SGCZ: variants seen among roughly 807,000 people sequenced by gnomAD.
SGCZ encodes sarcoglycan zeta.
A neutral mutation model predicts 41.3 loss-of-function variants in SGCZ; 40 were observed. The observed-to-expected ratio is 0.97, with a 90% CI of 0.75 to 1.26. The LOEUF is 1.26. Among genes scored for constraint, SGCZ ranks in the 50% most tolerant of loss-of-function variants. The probability of loss-of-function intolerance (pLI) is 0.00; values close to 1 mark genes in which losing one functional copy is unlikely to be tolerated. For synonymous variants in SGCZ, 206 were observed against 137.5 expected (o/e 1.50, Z -3.49); for missense variants, 552 against 369.8 (o/e 1.49, Z -4.04).
At chr8:14,416,899 T>G (rs1799507720) in intron 2 of SGCZ, among the ~76,000 whole-genome samples, 1 of 151,852 alleles carries the variant, frequency 6.6e-6, no homozygotes, top group Non-Finnish European at 1.5e-5. Context: ...ATGCATGGAT[T>G]ATTATTATGA....
At chr8:14,162,501 C>G (rs1198487236) in intron 5 of SGCZ, 1 of 152,192 alleles carries the variant, frequency 6.6e-6, no homozygotes, top group Non-Finnish European at 1.5e-5. Flanking sequence ...GGCCCTACAA[C>G]TAATGTCCTT....
At chr8:14,402,153 A>C (rs189717047) in intron 2 of SGCZ, among the ~76,000 whole-genome samples, 28 of 152,190 alleles carry the variant, frequency 1.8e-4, no homozygotes, top group African/African-American at 6.5e-4. Context: ...TCTTCTTGTA[A>C]ATTTGACTGA....
intron 2 of SGCZ, among the ~76,000 whole-genome samples, chr8:14,335,044 G>T (rs1802462633): frequency 6.6e-6 from 1 of 152,206 alleles, no homozygotes; most frequent in East Asian, 1.9e-4. Context: ...AGGACAGAAA[G>T]CACATGAAGA....
intron 2 of SGCZ, among the ~76,000 whole-genome samples, chr8:14,520,865 G>A (rs551927055): frequency 3.6e-4 from 54 of 151,992 alleles, no homozygotes; most frequent in Non-Finnish European, 7.2e-4. Flanking sequence ...ACATTTTTAG[G>A]ATGTACTTAA....
At chr8:14,550,205 T>G (rs2117175016) in intron 2 of SGCZ, among the ~76,000 whole-genome samples, 1 of 152,062 alleles carries the variant, frequency 6.6e-6, no homozygotes, top group African/African-American at 2.4e-5. Flanking sequence ...CAGTGAAATG[T>G]ATAGCAGTAA....
intron 1 of SGCZ, among the ~76,000 whole-genome samples, chr8:15,132,693 A>T (rs958149738): frequency 6.6e-6 from 1 of 152,202 alleles, no homozygotes; most frequent in African/African-American, 2.4e-5. Context: ...GGAATTTTGA[A>T]AGCCAGTTGC....
chr8:14,833,246 G>A (rs1017650614), intron 1 of SGCZ, among the ~76,000 whole-genome samples: 1 of 152,092 alleles, frequency 6.6e-6, no homozygotes, highest in African/African-American at 2.4e-5. Flanking sequence ...CACAGAGTAG[G>A]TTTAGGCAGA....
chr8:14,634,049 A>C (rs948551534), intron 1 of SGCZ, among the ~76,000 whole-genome samples: 1 of 151,906 alleles, frequency 6.6e-6, no homozygotes, highest in African/African-American at 2.4e-5. Context: ...GACAGAATTT[A>C]AGTCAAGATA....
At chr8:15,030,563 A>G (rs1340870803) in intron 1 of SGCZ, among the ~76,000 whole-genome samples, 1 of 151,658 alleles carries the variant, frequency 6.6e-6, no homozygotes, top group Non-Finnish European at 1.5e-5. Flanking sequence ...GTAAATGCAG[A>G]AAAAAAATGT....
chr8:15,057,348 C>A (rs1205155841), intron 1 of SGCZ, among the ~76,000 whole-genome samples: 1 of 152,096 alleles, frequency 6.6e-6, no homozygotes, highest in Non-Finnish European at 1.5e-5. Context: ...TATTAGACAC[C>A]ATGACCTTAA....
At chr8:14,847,744 A>G (rs1469458358) in intron 1 of SGCZ, among the ~76,000 whole-genome samples, 5 of 117,140 alleles carry the variant, frequency 4.3e-5, no homozygotes, top group Non-Finnish European at 3.4e-5. Context: ...GGCGGGAGAG[A>G]GGGAAGGAGG....
At chr8:14,595,356 C>T (rs906836574) in intron 1 of SGCZ, among the ~76,000 whole-genome samples, 1 of 151,106 alleles carries the variant, frequency 6.6e-6, no homozygotes, top group Non-Finnish European at 1.5e-5. Context: ...GTATCTGTGT[C>T]TTTGTGTTTG....
chr8:14,378,517 C>T (rs1321011857), intron 2 of SGCZ, among the ~76,000 whole-genome samples: 3 of 152,058 alleles, frequency 2.0e-5, no homozygotes, highest in African/African-American at 4.8e-5. Flanking sequence ...GGAAAATTTT[C>T]ACAACCTACT....
Position 14,946,005 on chromosome 8 carries a change from CATATATATATATATAT to C in SGCZ, c.39+291564_39+291579del, listed in dbSNP as rs34647526. 5.3e-3 allele frequency among the ~76,000 whole-genome samples: 79 copies of C among 14,890 alleles called. 2 individuals carry two copies. The highest frequency in any genetic ancestry group is 0.021 in the Admixed American group (16 of 758). The allele number at this position is 14,890 out of a possible 152,430, so 9.8% of individuals were successfully genotyped here. A position where few individuals can be genotyped will look rare whatever the true frequency, so the allele number is the denominator to read the frequency against. On this transcript the variant is annotated intron_variant, in intron 1 of 7. Transcript: ENST00000382080. ...AGCCAATTCCCCTACTAAATGTCCCCATATATATATATATATATATATATATATATATATATATATA... is the reference window on the plus strand; with the variant it reads ...AGCCAATTCCCCTACTAAATGTCCCCATATATATATATATATATATATATA...
intron 1 of SGCZ, among the ~76,000 whole-genome samples, chr8:15,203,932 T>C (rs1800977343): frequency 6.6e-6 from 1 of 152,234 alleles, no homozygotes; most frequent in African/African-American, 2.4e-5. Flanking sequence ...AAAACTAGTT[T>C]TTCTTTTTTA....
At chr8:14,115,729 C>T (rs1802502679) in intron 5 of SGCZ, among the ~76,000 whole-genome samples, 1 of 150,922 alleles carries the variant, frequency 6.6e-6, no homozygotes, top group Non-Finnish European at 1.5e-5. Context: ...CAGTGAAATT[C>T]AAGCTTTGTG....
intron 2 of SGCZ, among the ~76,000 whole-genome samples, chr8:14,375,024 G>A (rs1167128685): frequency 2.0e-5 from 3 of 152,118 alleles, no homozygotes; most frequent in African/African-American, 7.2e-5. Flanking sequence ...TGTGGATGAA[G>A]CACTGAGTTT....
At chr8:14,634,497 A>G (rs1489086959) in intron 1 of SGCZ, among the ~76,000 whole-genome samples, 1 of 151,896 alleles carries the variant, frequency 6.6e-6, no homozygotes, top group Non-Finnish European at 1.5e-5. Context: ...TTGCAGAAAA[A>G]TACTAAAATA....
chr8:14,771,583 T>C (rs1026586963), intron 1 of SGCZ, among the ~76,000 whole-genome samples: 2 of 152,100 alleles, frequency 1.3e-5, no homozygotes, highest in African/African-American at 4.8e-5. Flanking sequence ...TTGCTATTGG[T>C]ATATATATTT....
Sources: gnomAD v4.1 joint callset for allele counts (sites outside exome capture counted in the v4.1 genomes callset) on GRCh38, gnomAD v4.1.1 for gene constraint, MANE v1.5 for transcripts, NCBI Gene and HGNC (gene_info 2026-07-23, HGNC 2026-07-21) for gene names.